MSRA: variants seen among roughly 807,000 people sequenced by gnomAD.
MSRA encodes methionine sulfoxide reductase A.
A neutral mutation model predicts 31.3 loss-of-function variants in MSRA; 54 were observed. That is an observed-to-expected ratio of 1.73 (90% CI 1.39 to 2.17). The LOEUF (loss-of-function observed/expected upper bound fraction) is 2.17, where lower values mean the gene tolerates loss of function less well. Ranked by LOEUF, MSRA falls within the 30% of genes most tolerant of loss-of-function variation. The pLI, the probability that MSRA is intolerant of heterozygous loss-of-function variation, is 0.00. For missense variants in MSRA, 507 were observed against 300.9 expected (o/e 1.69, Z -5.07); for synonymous variants, 169 against 116.5 (o/e 1.45, Z -2.90).
At position 10,399,715 on chromosome 8, in the gene MSRA, T is replaced by C. The variant is rs573169383; in HGVS notation, c.544-28433T>C. On this transcript the variant is annotated intron_variant, in intron 5 of 5. Transcript: ENST00000317173. ...AACAATAGGCTTCCCTGTAGCCCTATATAGGAGGGTGCAATGGATGGTGGT... is the reference window on the plus strand; with the variant it reads ...AACAATAGGCTTCCCTGTAGCCCTACATAGGAGGGTGCAATGGATGGTGGT... Among the ~76,000 whole-genome samples the C allele has an allele frequency of 2.0e-5, 3 of 152,244 alleles. No individual in the cohort carries two copies. In the South Asian group the frequency reaches 6.2e-4, roughly 32 times the overall value.
chr8:10,166,299 CA>C (rs1805120053), intron 1 of MSRA, among the ~76,000 whole-genome samples: 1 of 152,064 alleles, frequency 6.6e-6, no homozygotes, highest in South Asian at 2.1e-4. Context: ...TTGAAATGTA[CA>C]GGAGTGCATT....
At chr8:10,426,312 G>T (rs1809160563) in intron 5 of MSRA, among the ~76,000 whole-genome samples, 2 of 152,218 alleles carry the variant, frequency 1.3e-5, no homozygotes, top group African/African-American at 4.8e-5. Context: ...TCTACAGAAG[G>T]AATTCGGTGT....
intron 2 of MSRA, among the ~76,000 whole-genome samples, chr8:10,208,298 A>C (rs148425550): frequency 1.3e-5 from 2 of 152,168 alleles, no homozygotes; most frequent in African/African-American, 4.8e-5. Context: ...AGATTAATCT[A>C]ATTGAATGAT....
intron 4 of MSRA, among the ~76,000 whole-genome samples, chr8:10,303,847 A>G (rs1015519755): frequency 1.3e-5 from 2 of 152,268 alleles, no homozygotes; most frequent in African/African-American, 4.8e-5. Flanking sequence ...TAACAGTAAC[A>G]AAAATCCTTA....
chr8:10,084,401 G>A (rs1470752724), intron 1 of MSRA, among the ~76,000 whole-genome samples: 3 of 152,242 alleles, frequency 2.0e-5, no homozygotes, highest in Admixed American at 6.5e-5. Context: ...TGCTTGGATC[G>A]TTGTAATAGT....
intron 1 of MSRA, among the ~76,000 whole-genome samples, chr8:10,156,042 A>G (rs1424763942): frequency 1.3e-5 from 2 of 152,084 alleles, no homozygotes; most frequent in Admixed American, 6.6e-5. Flanking sequence ...GGGAGTCCTG[A>G]TGTGATGCGG....
At chr8:10,424,897 G>A (rs150121712) in intron 5 of MSRA, among the ~76,000 whole-genome samples, 1 of 152,232 alleles carries the variant, frequency 6.6e-6, no homozygotes, top group Non-Finnish European at 1.5e-5. Context: ...ACACAGCGGG[G>A]CCCACCCCGG....
At chr8:10,178,077 T>C (rs565096302) in intron 1 of MSRA, among the ~76,000 whole-genome samples, 1 of 152,318 alleles carries the variant, frequency 6.6e-6, no homozygotes, top group South Asian at 2.1e-4. Flanking sequence ...AATGAGTACA[T>C]CTATTCCTGA....
At chr8:10,148,729 G>T (rs1241271716) in intron 1 of MSRA, among the ~76,000 whole-genome samples, 2 of 140,806 alleles carry the variant, frequency 1.4e-5, no homozygotes. Flanking sequence ...TTGAACCCAG[G>T]AGGTCAGGGC....
intron 1 of MSRA, among the ~76,000 whole-genome samples, chr8:10,172,388 C>A (rs1407915099): frequency 6.6e-6 from 1 of 152,056 alleles, no homozygotes; most frequent in Non-Finnish European, 1.5e-5. Context: ...GGGCTTCATT[C>A]TGGCGCTGTC....
At chr8:10,286,321 G>A in intron 3 of MSRA, among the ~76,000 whole-genome samples, 1 of 152,114 alleles carries the variant, frequency 6.6e-6, no homozygotes, top group East Asian at 1.9e-4. Context: ...AATCATGGGG[G>A]CAGGTCTTTC....
chr8:10,396,683 A>G (rs1382101832), intron 5 of MSRA, among the ~76,000 whole-genome samples: 6 of 152,216 alleles, frequency 3.9e-5, no homozygotes, highest in Non-Finnish European at 8.8e-5. Flanking sequence ...TCTTTCCCCA[A>G]GGGAACTGCC....
intron 5 of MSRA, among the ~76,000 whole-genome samples, chr8:10,404,524 G>T (rs1807676343): frequency 6.6e-6 from 1 of 152,230 alleles, no homozygotes; most frequent in South Asian, 2.1e-4. Flanking sequence ...CCTGCAATAG[G>T]CCATCCCGGG....
rs541558459 is a variant in MSRA at position 10,109,192 on chromosome 8, T to G, written c.142+54534T>G. 1.1e-4 allele frequency among the ~76,000 whole-genome samples: 17 copies of G among 152,340 alleles called. No individual in the cohort carries two copies. The East Asian group carries it at 1.7e-3, about 16-fold the overall frequency. ...GTGCCTGCCTTTAAAAAAAGCACTT[T>G]GGCTCAGGAACCATATTTGACATCA... On this transcript the variant is annotated intron_variant, in intron 1 of 5. Coordinates refer to ENST00000317173, the MANE Select transcript of MSRA (RefSeq NM_012331.5).
At chr8:10,376,629 C>T (rs577489999) in intron 5 of MSRA, among the ~76,000 whole-genome samples, 1 of 152,228 alleles carries the variant, frequency 6.6e-6, no homozygotes, top group South Asian at 2.1e-4. Context: ...AAATAGTAGC[C>T]TCTATTAAGC....
At chr8:10,243,877 T>A (rs1797469558) in intron 2 of MSRA, among the ~76,000 whole-genome samples, 1 of 152,230 alleles carries the variant, frequency 6.6e-6, no homozygotes, top group Non-Finnish European at 1.5e-5. Context: ...AATTTTTTAC[T>A]GCATTAAATT....
At chr8:10,095,745 A>G in intron 1 of MSRA, 2 of 1,123,432 alleles carry the variant, frequency 1.8e-6, no homozygotes, top group South Asian at 4.4e-5. Flanking sequence ...AAGGCTTTTT[A>G]AGTCTCTTGG....
At chr8:10,183,869 T>C (rs1158991702) in intron 1 of MSRA, among the ~76,000 whole-genome samples, 1 of 150,756 alleles carries the variant, frequency 6.6e-6, no homozygotes, top group Non-Finnish European at 1.5e-5. Context: ...GTAGTGTTGT[T>C]GGTTTTGTTG....
At chr8:10,076,013 G>A (rs562428246) in intron 1 of MSRA, among the ~76,000 whole-genome samples, 31 of 152,332 alleles carry the variant, frequency 2.0e-4, no homozygotes, top group Admixed American at 1.6e-3. Flanking sequence ...GTTCTCTAGT[G>A]AAGGGCATGT....
Sources: allele counts gnomAD v4.1 joint callset (sites outside exome capture counted in the v4.1 genomes callset), GRCh38; gene constraint gnomAD v4.1.1; transcripts MANE v1.5; gene names NCBI Gene and HGNC (gene_info 2026-07-23, HGNC 2026-07-21).